Variants in NDRG2 observed in about 807,000 individuals in gnomAD.
The protein encoded by NDRG2 is NDRG family member 2.
A neutral mutation model predicts 58.2 loss-of-function variants in NDRG2; 34 were observed. That is an observed-to-expected ratio of 0.58 (90% CI 0.44 to 0.78). The LOEUF (loss-of-function observed/expected upper bound fraction) is 0.78. Ranked by LOEUF, NDRG2 falls within the 30% of genes least tolerant of loss-of-function variation. NDRG2 has a pLI of 0.00. For synonymous variants in NDRG2, 187 were observed against 175.9 expected, an observed-to-expected ratio of 1.06 and a Z score of -0.50; for missense variants, 434 against 471.2, an observed-to-expected ratio of 0.92 and a Z score of 0.73.
At chr14:21,036,996 G>A (rs1193594958) in intron 1 of NDRG2, among the ~76,000 whole-genome samples, 1 of 152,194 alleles carries the variant, frequency 6.6e-6, no homozygotes, top group African/African-American at 2.4e-5. Context: ...TCCCTGCCTT[G>A]AATCATGCCA....
At chr14:21,023,019 C>T in intron 2 of NDRG2, 114 bp from the exon 3 acceptor site, 1 of 1,271,970 alleles carries the variant, frequency 7.9e-7, no homozygotes. Context: ...TGACCAAAGA[C>T]AGAAAGAGAT....
At chr14:21,033,212 G>A (rs1016615157) in intron 1 of NDRG2, 5 of 346,148 alleles carry the variant, frequency 1.4e-5, no homozygotes, top group Admixed American at 8.3e-5. Flanking sequence ...TCCATGGTAA[G>A]AGGAAGCAGG....
intron 1 of NDRG2, among the ~76,000 whole-genome samples, chr14:21,067,039 C>T (rs1488293562): frequency 6.6e-6 from 1 of 152,148 alleles, no homozygotes; most frequent in Non-Finnish European, 1.5e-5. Flanking sequence ...GGGGCTGAGG[C>T]ACAGCCCTAG....
Position 21,070,288 on chromosome 14 carries a change from G to C in NDRG2, c.24+540C>G. 1 of 1,208,016 alleles carries C rather than the reference G, an allele frequency of 8.3e-7. No individual in the cohort carries two copies. Among genetic ancestry groups the C allele is most frequent in the Non-Finnish European group, 1.0e-6 (1 of 953,416 alleles). 74.8% of individuals were successfully genotyped at this position (1,208,016 alleles called of 1,614,324 possible). A position where few individuals can be genotyped will look rare whatever the true frequency, so the allele number is the denominator to read the frequency against. ...GCGGGCCGAGCCGCCACCGCGGCCG[G>C]AGCTGTCCCTTAGCCAGACCCGGCG... On this transcript the variant is annotated intron_variant, in intron 1 of 14. Coordinates refer to the NDRG2 transcript ENST00000403829. The surrounding 1 kb of genome is among the most constrained non-coding windows in gnomAD (Gnocchi z 4.7).
rs1882559137 is a variant in NDRG2 at position 21,024,314 on chromosome 14, G to A, written c.-291C>T. On this transcript the variant is annotated 5_prime_UTR_variant, in exon 1 of 16. Transcript: ENST00000556147. ...CTACAAGGGCATCAGTTCAGGCTGC[G>A]CGGAGGAGAGAAGGAAGTGCTGATG... 2 of 985,198 alleles carry A rather than the reference G, an allele frequency of 2.0e-6. No individual in the cohort carries two copies. The highest frequency in any genetic ancestry group is 4.7e-5 in the South Asian group (1 of 21,272). 61.0% of individuals were successfully genotyped at this position (985,198 alleles called of 1,614,324 possible). A position where few individuals can be genotyped will look rare whatever the true frequency, so the allele number is the denominator to read the frequency against.
intron 1 of NDRG2, among the ~76,000 whole-genome samples, chr14:21,049,827 C>T (rs1240042675): frequency 4.0e-5 from 6 of 151,062 alleles, no homozygotes; most frequent in Non-Finnish European, 5.9e-5. Context: ...TGCAGTGGCA[C>T]GATCTCGACT....
chr14:21,036,313 C>T (rs1256045392), intron 1 of NDRG2: 3 of 455,158 alleles, frequency 6.6e-6, no homozygotes, highest in South Asian at 4.7e-5. Flanking sequence ...TAAAAGTCTG[C>T]AATAGCTTGT....
At chr14:21,042,862 GA>G in intron 1 of NDRG2, 1 of 748,258 alleles carries the variant, frequency 1.3e-6, no homozygotes, top group Non-Finnish European at 2.1e-6. Context: ...ACAAAGTGAG[GA>G]AAGGAGACAA....
At chr14:21,057,672 G>A in intron 1 of NDRG2, 2 of 425,228 alleles carry the variant, frequency 4.7e-6, no homozygotes. Flanking sequence ...ACTATTGTGA[G>A]AGGTAAAGAA....
rs758507628 is a variant in NDRG2 at position 21,022,120 on chromosome 14, C to T, written c.286G>A (p.Val96Met). Residue 96 changes from valine to methionine, a missense_variant, in exon 5 of 16, where the codon GTG (valine) becomes ATG (methionine). Transcript: ENST00000556147. ...CCAGGGGCATCCACATGAACCCGCA[C>T]AAAGTTCTGAATGATTTCCTGCATG... is the stretch of plus-strand genomic sequence containing the variant. ...EDMQEIIQNF[V>M]RVHVDAPGME... 2 of 1,614,166 alleles carry T rather than the reference C, an allele frequency of 1.2e-6. No homozygotes were observed. Among genetic ancestry groups the T allele is most frequent in the South Asian group, 2.2e-5 (2 of 91,082 alleles).
intron 1 of NDRG2, among the ~76,000 whole-genome samples, chr14:21,056,048 G>C (rs1048602230): frequency 6.6e-6 from 1 of 152,160 alleles, no homozygotes; most frequent in African/African-American, 2.4e-5. Flanking sequence ...CACCATGTTT[G>C]CCTGAGATGA....
At chr14:21,050,518 A>G (rs1885415634) in intron 1 of NDRG2, among the ~76,000 whole-genome samples, 1 of 152,236 alleles carries the variant, frequency 6.6e-6, no homozygotes. Context: ...TTCATGGTCA[A>G]CTAGAACCTG....
chr14:21,034,933 C>T (rs149973294), intron 1 of NDRG2: 1 of 152,628 alleles, frequency 6.6e-6, no homozygotes, highest in Non-Finnish European at 1.5e-5. Flanking sequence ...CCAAAAGTTC[C>T]TAAGTGCCTG....
At chr14:21,022,815 G>C (rs1287488247) in intron 3 of NDRG2, 49 bp downstream of exon 3, 2 of 1,589,704 alleles carry the variant, frequency 1.3e-6, no homozygotes, top group Non-Finnish European at 1.7e-6. Context: ...TTCTACTGGG[G>C]AAGAGGACAG....
In NDRG2 at chr14:21,070,352, CCCCG is replaced by C. The variant is rs1173413951; in HGVS notation, c.24+472_24+475del. ...GGGAGGGAGGCGGTGGCGCGCCCGG[CCCCG>C]CCCGCCCGACCAAGCGTCGGACGCG... On this transcript the variant is annotated intron_variant, in intron 1 of 14. Transcript: ENST00000403829. This position sits in a 1 kb window ranked among gnomAD's most constrained non-coding sequence, Gnocchi z 4.7. The C allele has an allele frequency of 7.1e-7, 1 of 1,405,116 alleles. No homozygotes were observed. Among genetic ancestry groups the C allele is most frequent in the Non-Finnish European group, 9.2e-7 (1 of 1,085,792 alleles). 87.0% of individuals were successfully genotyped at this position (1,405,116 alleles called of 1,614,324 possible).
At chr14:21,032,052 G>T in intron 1 of NDRG2, 1 of 1,613,976 alleles carries the variant, frequency 6.2e-7, no homozygotes, top group Non-Finnish European at 8.5e-7. Context: ...AAGGGTTCTG[G>T]CACCTACGAT....
intron 1 of NDRG2, chr14:21,042,431 C>A (rs1884939464): frequency 1.2e-5 from 2 of 160,282 alleles, no homozygotes; most frequent in South Asian, 1.7e-4. Flanking sequence ...AGCACGAAGA[C>A]CAAGCGCAAA....
intron 1 of NDRG2, among the ~76,000 whole-genome samples, chr14:21,049,724 A>G (rs904957261): frequency 5.3e-5 from 8 of 152,078 alleles, no homozygotes; most frequent in Admixed American, 1.3e-4. Context: ...TGATATTTAC[A>G]AAGTGGCATT....
chr14:21,043,259 C>T, intron 1 of NDRG2: 1 of 1,614,236 alleles, frequency 6.2e-7, no homozygotes, highest in Non-Finnish European at 8.5e-7. Flanking sequence ...CCAAAATAGC[C>T]TGCAAGAATG....
Sources: allele counts gnomAD v4.1 joint callset (sites outside exome capture counted in the v4.1 genomes callset), GRCh38; gene constraint gnomAD v4.1.1; non-coding constraint Gnocchi (gnomAD v3.1); transcripts MANE v1.5; gene names NCBI Gene and HGNC (gene_info 2026-07-23, HGNC 2026-07-21).